SLIT3: variants seen among roughly 807,000 people sequenced by gnomAD.
SLIT3 encodes the protein slit homolog 3 protein.
Under a neutral mutation model 184.0 loss-of-function variants are expected in SLIT3, and 68 were observed. The observed-to-expected ratio is 0.37, with a 90% confidence interval of 0.30 to 0.45. The LOEUF (loss-of-function observed/expected upper bound fraction) is 0.45. SLIT3 is among the 20% of genes least tolerant of loss of function. The pLI, the probability that SLIT3 is intolerant of heterozygous loss-of-function variation, is 1.00. For synonymous variants in SLIT3, 831 were observed against 828.6 expected, an observed-to-expected ratio of 1.00 and a Z score of -0.05; for missense variants, 1,707 against 2,026.0, an observed-to-expected ratio of 0.84 and a Z score of 3.02.
At chr5:169,050,148 C>T (rs1757765458) in intron 4 of SLIT3, among the ~76,000 whole-genome samples, 1 of 152,126 alleles carries the variant, frequency 6.6e-6, no homozygotes, top group African/African-American at 2.4e-5. Flanking sequence ...GTTTGCTGGG[C>T]CACACTGTCT....
chr5:169,082,026 C>T (rs563544557), intron 4 of SLIT3, among the ~76,000 whole-genome samples: 10 of 152,300 alleles, frequency 6.6e-5, no homozygotes, highest in Non-Finnish European at 1.0e-4. Context: ...TGTGCCTATT[C>T]GTTATCCCAT....
At chr5:168,683,930 AAC>A in intron 32 of SLIT3, 34 bp downstream of exon 32, 2 of 1,438,822 alleles carry the variant, frequency 1.4e-6, no homozygotes, top group Non-Finnish European at 9.2e-7. Flanking sequence ...GATGCGGAGG[AAC>A]ACACAGTGGG....
chr5:169,048,772 AG>A (rs1757714889), intron 4 of SLIT3, among the ~76,000 whole-genome samples: 1 of 152,166 alleles, frequency 6.6e-6, no homozygotes, highest in South Asian at 2.1e-4. Flanking sequence ...TCATCTCTGG[AG>A]GTGGTATAGG....
intron 31 of SLIT3, among the ~76,000 whole-genome samples, chr5:168,684,937 G>C (rs961776670): frequency 4.0e-5 from 6 of 151,754 alleles, no homozygotes; most frequent in Non-Finnish European, 7.4e-5. Flanking sequence ...CCCAGGCAAA[G>C]ATAATTTTAT....
In SLIT3 at chr5:169,067,570, G is replaced by A. The variant is rs145155953; in HGVS notation, c.413+125909C>T. Among the ~76,000 whole-genome samples, 6 of 152,296 alleles carry A rather than the reference G, an allele frequency of 3.9e-5. No homozygotes were observed. In the East Asian group the frequency reaches 5.8e-4, roughly 15 times the overall value. Reference sequence around the variant, plus strand: ...ATTCTCAGTCCAATGCTGATGTTGCGGAGCCTCTGAATGAGCCTTTTGCAG... The same window carrying A: ...ATTCTCAGTCCAATGCTGATGTTGCAGAGCCTCTGAATGAGCCTTTTGCAG... On this transcript the variant is annotated intron_variant, in intron 4 of 35. Coordinates refer to ENST00000519560, the MANE Select transcript of SLIT3 (RefSeq NM_003062.4).
At chr5:169,270,266 C>G (rs1039029545) in intron 1 of SLIT3, among the ~76,000 whole-genome samples, 1 of 152,158 alleles carries the variant, frequency 6.6e-6, no homozygotes, top group African/African-American at 2.4e-5. Context: ...GAGTCTAATC[C>G]TAAGAAGGCA....
intron 4 of SLIT3, among the ~76,000 whole-genome samples, chr5:168,925,289 C>G (rs988234063): frequency 6.6e-6 from 1 of 152,140 alleles, no homozygotes; most frequent in African/African-American, 2.4e-5. Context: ...GCAGAACTGA[C>G]GCACCAAGGG....
chr5:168,700,378 T>C (rs541397408), intron 27 of SLIT3, among the ~76,000 whole-genome samples: 2 of 152,240 alleles, frequency 1.3e-5, no homozygotes, highest in Non-Finnish European at 2.9e-5. Flanking sequence ...GGAGTTCCCC[T>C]GCACAAGCTC....
intron 4 of SLIT3, among the ~76,000 whole-genome samples, chr5:168,983,092 C>T (rs966228183): frequency 1.3e-5 from 2 of 152,174 alleles, no homozygotes; most frequent in Non-Finnish European, 2.9e-5. Context: ...TACTGCTGAC[C>T]TGAAGACCTG....
intron 1 of SLIT3, among the ~76,000 whole-genome samples, chr5:169,286,898 A>C (rs1767166411): frequency 6.6e-6 from 1 of 152,236 alleles, no homozygotes. Context: ...TTCTTGTTTT[A>C]AAGACGGGAA....
chr5:169,124,126 C>CT (rs1561680589), intron 4 of SLIT3, among the ~76,000 whole-genome samples: 1 of 151,810 alleles, frequency 6.6e-6, no homozygotes, highest in Non-Finnish European at 1.5e-5. Context: ...AAAGGGCCCC[C>CT]TTTTTTCTTC....
At chr5:169,184,559 T>A (rs1763272379) in intron 4 of SLIT3, among the ~76,000 whole-genome samples, 2 of 152,220 alleles carry the variant, frequency 1.3e-5, no homozygotes, top group African/African-American at 4.8e-5. Context: ...CGATGTTTCT[T>A]AAAGTATGCC....
chr5:168,796,969 A>G (rs1756584234), intron 9 of SLIT3, among the ~76,000 whole-genome samples: 1 of 151,970 alleles, frequency 6.6e-6, no homozygotes, highest in Admixed American at 6.6e-5. Context: ...AGGGAGTATC[A>G]GGACATATCA....
intron 4 of SLIT3, among the ~76,000 whole-genome samples, chr5:168,975,507 G>T (rs920498208): frequency 6.6e-6 from 1 of 151,502 alleles, no homozygotes; most frequent in Non-Finnish European, 1.5e-5. Flanking sequence ...AGAGACATCT[G>T]CACAGACACA....
intron 5 of SLIT3, 152 bp from the exon 6 acceptor site, chr5:168,844,807 T>C (rs997708563): frequency 6.3e-6 from 4 of 633,188 alleles, no homozygotes; most frequent in East Asian, 5.5e-5. Context: ...TCTGCCACGC[T>C]GCTCCGTCTC....
At chr5:169,149,280 G>A (rs1350029932) in intron 4 of SLIT3, among the ~76,000 whole-genome samples, 1 of 150,912 alleles carries the variant, frequency 6.6e-6, no homozygotes, top group Non-Finnish European at 1.5e-5. Flanking sequence ...TAAAATTATT[G>A]TAAATGGTCT....
chr5:169,110,139 C>T (rs139013936), intron 4 of SLIT3, among the ~76,000 whole-genome samples: 1,814 of 152,228 alleles, frequency 0.012, 73 homozygotes, highest in East Asian at 0.11. Flanking sequence ...TGAGCCACCA[C>T]GCCTAGCCAT....
intron 4 of SLIT3, among the ~76,000 whole-genome samples, chr5:169,064,965 G>T (rs143003881): frequency 1.9e-4 from 29 of 152,298 alleles, no homozygotes; most frequent in Non-Finnish European, 3.4e-4. Flanking sequence ...GACACAAAGA[G>T]TTCTGACCTT....
intron 4 of SLIT3, among the ~76,000 whole-genome samples, chr5:168,926,888 A>T (rs924648645): frequency 2.6e-5 from 4 of 152,160 alleles, no homozygotes; most frequent in African/African-American, 9.7e-5. Context: ...GTTGTCAAGG[A>T]TGCAGAGAAA....
Sources: allele counts gnomAD v4.1 joint callset (sites outside exome capture counted in the v4.1 genomes callset), GRCh38; gene constraint gnomAD v4.1.1; transcripts MANE v1.5; gene names NCBI Gene and HGNC (gene_info 2026-07-23, HGNC 2026-07-21).